Variants in GNE observed in about 807,000 individuals in gnomAD.
GNE encodes the protein bifunctional UDP-N-acetylglucosamine 2-epimerase/N-acetylmannosamine kinase.
A neutral mutation model predicts 61.8 loss-of-function variants in GNE; 41 were observed. The ratio of observed to expected loss-of-function variants is 0.66; its 90% CI spans 0.52 to 0.86. GNE has a LOEUF of 0.86. Among genes scored for constraint, GNE ranks in the 40% least tolerant of loss-of-function variants. The probability of loss-of-function intolerance (pLI) is 0.00; values close to 1 mark genes in which losing one functional copy is unlikely to be tolerated. For synonymous variants in GNE, 264 were observed against 326.4 expected (o/e 0.81, Z 2.06); for missense variants, 608 against 909.1 (o/e 0.67, Z 4.26).
At chr9:36,228,440 A>G (rs934045127) in intron 6 of GNE, among the ~76,000 whole-genome samples, 2 of 152,156 alleles carry the variant, frequency 1.3e-5, no homozygotes, top group African/African-American at 4.8e-5. Flanking sequence ...TCTAATATTT[A>G]TAGAAAGCCA....
intron 6 of GNE, among the ~76,000 whole-genome samples, chr9:36,227,994 C>T (rs1255298397): frequency 1.4e-5 from 2 of 143,542 alleles, no homozygotes; most frequent in Non-Finnish European, 3.0e-5. Context: ...GATCGCACCA[C>T]TGCACTCCAG....
chr9:36,232,743 A>G (rs557150349), intron 5 of GNE, among the ~76,000 whole-genome samples: 9 of 152,074 alleles, frequency 5.9e-5, no homozygotes, highest in Non-Finnish European at 1.3e-4. Flanking sequence ...AGAATTCCTG[A>G]TATTTTTCTT....
rs1210272219 is a variant in GNE at position 36,219,528 on chromosome 9, T to C, written c.1816+310A>G. Among the ~76,000 whole-genome samples, 3 of 152,230 alleles carry C rather than the reference T, an allele frequency of 2.0e-5. No individual in the cohort carries two copies. In the East Asian group the frequency reaches 5.8e-4, roughly 29 times the overall value. On this transcript the variant is annotated intron_variant, in intron 10 of 11. Coordinates refer to ENST00000642385, the MANE Select transcript of GNE (RefSeq NM_005476.7). ...ATATACATAACATGTTTTGTCCATT[T>C]ATTTCTTCATTAAAATGTGTATTAA...
chr9:36,239,722 C>G (rs1457271500), intron 3 of GNE, among the ~76,000 whole-genome samples: 2 of 152,126 alleles, frequency 1.3e-5, no homozygotes, highest in Non-Finnish European at 2.9e-5. Flanking sequence ...ATCTGCCCGC[C>G]TTGGCCTCCC....
chr9:36,231,895 A>C (rs897509224), intron 5 of GNE, among the ~76,000 whole-genome samples: 5 of 152,248 alleles, frequency 3.3e-5, no homozygotes, highest in Non-Finnish European at 7.4e-5. Context: ...TAGGCATCTC[A>C]AACTTCACAT....
At chr9:36,263,891 G>A (rs897855557) in intron 1 of GNE, among the ~76,000 whole-genome samples, 9 of 152,188 alleles carry the variant, frequency 5.9e-5, no homozygotes, top group African/African-American at 7.2e-5. Flanking sequence ...ATGGTAATTA[G>A]CTAATGTGCA....
chr9:36,257,752 G>A (rs957516883), intron 1 of GNE, among the ~76,000 whole-genome samples: 2 of 126,032 alleles, frequency 1.6e-5, no homozygotes, highest in African/African-American at 3.0e-5. Context: ...GCAGTGAGCC[G>A]AGATCGCGCC....
At chr9:36,233,501 C>G (rs1413421111) in intron 5 of GNE, among the ~76,000 whole-genome samples, 1 of 152,100 alleles carries the variant, frequency 6.6e-6, no homozygotes, top group Non-Finnish European at 1.5e-5. Flanking sequence ...CCCGTCTCTA[C>G]TAAAAAATAC....
chr9:36,246,936 TG>T (rs1458481114), intron 2 of GNE, among the ~76,000 whole-genome samples: 2 of 152,212 alleles, frequency 1.3e-5, no homozygotes, highest in Non-Finnish European at 2.9e-5. Flanking sequence ...ACCAAAGTGC[TG>T]GGATTACACG....
chr9:36,237,977 C>T (rs187006257), intron 3 of GNE, among the ~76,000 whole-genome samples: 39 of 152,198 alleles, frequency 2.6e-4, no homozygotes, highest in Non-Finnish European at 4.4e-5. Context: ...TAGGTCACTG[C>T]AAATGCTGTT....
chr9:36,274,039 C>T lies in GNE; in HGVS notation c.51+2855G>A, dbSNP rs531240867. On this transcript the variant is annotated intron_variant, in intron 1 of 11. Coordinates refer to the GNE transcript ENST00000396594. ...AAATTTAATGGGGCATAAAATTCTG[C>T]GGAAACCCAGGTGCTTCGGTCTATG... is the stretch of plus-strand genomic sequence containing the variant. Among the ~76,000 whole-genome samples the T allele has an allele frequency of 3.3e-5, 5 of 150,758 alleles. No individual in the cohort carries two copies. The East Asian group carries it at 5.9e-4, about 18-fold the overall frequency.
intron 2 of GNE, among the ~76,000 whole-genome samples, chr9:36,248,429 C>T (rs1180405816): frequency 1.3e-5 from 2 of 152,014 alleles, no homozygotes; most frequent in African/African-American, 2.4e-5. Context: ...ATTCTCCTGC[C>T]TCAGCCTCCC....
chr9:36,257,835 A>AAT (rs1830444040), intron 1 of GNE, among the ~76,000 whole-genome samples: 1 of 147,770 alleles, frequency 6.8e-6, no homozygotes, highest in Non-Finnish European at 1.5e-5. Flanking sequence ...AAAAAAAAAA[A>AAT]AATTGGGGTG....
chr9:36,226,947 C>T (rs892327808), intron 7 of GNE, among the ~76,000 whole-genome samples: 6 of 152,184 alleles, frequency 3.9e-5, no homozygotes, highest in African/African-American at 1.2e-4. Context: ...ACACTCCAAG[C>T]TGTTACCAAG....
chr9:36,216,327 A>ATG lies in GNE; in HGVS notation c.*1036_*1037dup, dbSNP rs10527967. The ATG allele has an allele frequency of 0.013, 4,746 of 357,372 alleles. 66 individuals carry two copies. Among genetic ancestry groups the ATG allele is most frequent in the South Asian group, 0.039 (2,038 of 52,418 alleles). The allele number at this position is 357,372 out of a possible 1,614,324, so 22.1% of individuals were successfully genotyped here. A position where few individuals can be genotyped will look rare whatever the true frequency, so the allele number is the denominator to read the frequency against. On this transcript the variant is annotated 3_prime_UTR_variant, in exon 12 of 12. Transcript: ENST00000642385. ...TTAGTTTGGGGTTAGAGGAGGAAGG[A>ATG]TGTGTGTGTGTGTGTGTGTGTGTGT...
chr9:36,236,223 T>C (rs1829384081), intron 4 of GNE, among the ~76,000 whole-genome samples: 1 of 152,086 alleles, frequency 6.6e-6, no homozygotes, highest in Non-Finnish European at 1.5e-5. Flanking sequence ...TTTTTTGAGA[T>C]GGAGTCTCAC....
intron 1 of GNE, among the ~76,000 whole-genome samples, chr9:36,270,986 C>T (rs1385390640): frequency 6.6e-6 from 1 of 152,186 alleles, no homozygotes; most frequent in Non-Finnish European, 1.5e-5. Context: ...CTATCTTGCA[C>T]ATTATTGCCT....
intron 3 of GNE, among the ~76,000 whole-genome samples, chr9:36,239,335 C>T (rs911442587): frequency 6.6e-6 from 1 of 152,040 alleles, no homozygotes; most frequent in Non-Finnish European, 1.5e-5. Flanking sequence ...TGGTCATTCT[C>T]GCAATATCAA....
intron 7 of GNE, among the ~76,000 whole-genome samples, chr9:36,226,975 T>C (rs1828895343): frequency 6.6e-6 from 1 of 152,164 alleles, no homozygotes; most frequent in Non-Finnish European, 1.5e-5. Context: ...TTTCAGGTCT[T>C]TTGGGTGGCA....
Sources: allele counts gnomAD v4.1 joint callset (sites outside exome capture counted in the v4.1 genomes callset), GRCh38; gene constraint gnomAD v4.1.1; transcripts MANE v1.5; gene names NCBI Gene and HGNC (gene_info 2026-07-23, HGNC 2026-07-21).